Variants in STK10 observed in about 807,000 individuals in gnomAD.
STK10 encodes serine/threonine-protein kinase 10.
Under a neutral mutation model 113.8 loss-of-function variants are expected in STK10, and 78 were observed. The observed-to-expected ratio is 0.69, with a 90% CI of 0.57 to 0.83. The LOEUF (loss-of-function observed/expected upper bound fraction) is 0.83, where lower values mean the gene tolerates loss of function less well. STK10 is among the 40% of genes least tolerant of loss of function. The probability of loss-of-function intolerance (pLI) is 0.00; values close to 1 mark genes in which losing one functional copy is unlikely to be tolerated. For missense variants in STK10, 1,109 were observed against 1,280.1 expected, an observed-to-expected ratio of 0.87 and a Z score of 2.04; for synonymous variants, 465 against 494.7, an observed-to-expected ratio of 0.94 and a Z score of 0.80.
intron 12 of STK10, among the ~76,000 whole-genome samples, chr5:172,068,517 G>A (rs530329839): frequency 4.0e-4 from 61 of 152,236 alleles, no homozygotes; most frequent in Admixed American, 3.5e-3. Context: ...TGTATCTTCA[G>A]TAAAAAAGAA....
At position 172,064,829 on chromosome 5, in the gene STK10, A is replaced by G. The variant is rs376894266; in HGVS notation, c.1990-17T>C. The G allele has an allele frequency of 2.5e-5, 41 of 1,613,664 alleles. No individual in the cohort carries two copies. The highest frequency in any genetic ancestry group is 1.6e-4 in the Middle Eastern group (1 of 6,084). On this transcript the variant is annotated splice_polypyrimidine_tract_variant and intron_variant, in intron 12 of 18. Coordinates refer to ENST00000176763, the MANE Select transcript of STK10 (RefSeq NM_005990.4). ...GTTCTTCACCTGCAGCAGAGACAGC[A>G]GAGAGTAGCTGGGTCAGGGTCCTCT...
At chr5:172,176,248 T>C (rs546533478) in intron 1 of STK10, among the ~76,000 whole-genome samples, 28 of 152,280 alleles carry the variant, frequency 1.8e-4, no homozygotes, top group Middle Eastern at 6.8e-3. Flanking sequence ...CTGCAGGAAT[T>C]CCTCCAGGTT....
chr5:172,175,703 T>C (rs1453366402), intron 1 of STK10, among the ~76,000 whole-genome samples: 1 of 151,862 alleles, frequency 6.6e-6, no homozygotes, highest in Non-Finnish European at 1.5e-5. Flanking sequence ...AGGCCAAGAG[T>C]AGACACCGCA....
chr5:172,182,482 C>T (rs970450842), intron 1 of STK10, among the ~76,000 whole-genome samples: 3 of 150,958 alleles, frequency 2.0e-5, no homozygotes, highest in African/African-American at 7.3e-5. Context: ...CTCCCAGGCT[C>T]AAGCTATCCT....
intron 1 of STK10, among the ~76,000 whole-genome samples, chr5:172,173,825 C>T (rs2087341084): frequency 6.6e-6 from 1 of 152,196 alleles, no homozygotes; most frequent in African/African-American, 2.4e-5. Flanking sequence ...ACAGTAACAG[C>T]CACATTTACA....
chr5:172,102,103 T>C (rs949891484), intron 7 of STK10, among the ~76,000 whole-genome samples: 5 of 152,002 alleles, frequency 3.3e-5, no homozygotes, highest in African/African-American at 1.2e-4. Flanking sequence ...TCACTCTGGC[T>C]GCTGTGCTCA....
intron 12 of STK10, among the ~76,000 whole-genome samples, chr5:172,071,282 G>T (rs1244274709): frequency 4.1e-5 from 2 of 48,654 alleles, no homozygotes; most frequent in South Asian, 8.4e-4. Context: ...ACAATGAAAA[G>T]TTTAAAAAAA....
intron 1 of STK10, among the ~76,000 whole-genome samples, chr5:172,185,124 G>A (rs1308284035): frequency 6.6e-6 from 1 of 152,058 alleles, no homozygotes; most frequent in Non-Finnish European, 1.5e-5. Context: ...AATGACAAGG[G>A]GAAATCTTAC....
chr5:172,098,115 G>A (rs777008954), intron 7 of STK10, among the ~76,000 whole-genome samples: 1 of 152,216 alleles, frequency 6.6e-6, no homozygotes, highest in South Asian at 2.1e-4. Flanking sequence ...CGGGGAGGAA[G>A]TGTCAACAAG....
Position 172,042,817 on chromosome 5 carries a change from C to T in STK10, c.*2065G>A, listed in dbSNP as rs1232458638. 1 of 152,256 alleles carries T rather than the reference C, an allele frequency of 6.6e-6. No individual in the cohort carries two copies. Among genetic ancestry groups the T allele is most frequent in the African/African-American group, 2.4e-5 (1 of 41,478 alleles). 9.4% of individuals were successfully genotyped at this position (152,256 alleles called of 1,614,324 possible). ...ACTAACCTGAGAACCATTGCTAGCT[C>T]CAAGAGAATCTTGACTGTGCATTTA... On this transcript the variant is annotated 3_prime_UTR_variant, in exon 19 of 19. Transcript: ENST00000176763.
intron 4 of STK10, among the ~76,000 whole-genome samples, chr5:172,110,919 A>AC (rs1287464241): frequency 4.0e-5 from 6 of 151,422 alleles, no homozygotes; most frequent in Non-Finnish European, 8.8e-5. Context: ...CTGAACTAAG[A>AC]CCCCCCGGCA....
At chr5:172,055,975 T>C (rs1689575975) in intron 15 of STK10, among the ~76,000 whole-genome samples, 199 bp from the exon 16 acceptor site, 2 of 152,364 alleles carry the variant, frequency 1.3e-5, no homozygotes, top group South Asian at 4.1e-4. Flanking sequence ...TTGTTAATAA[T>C]ATCTTGGATT....
At chr5:172,182,614 C>A (rs113424879) in intron 1 of STK10, among the ~76,000 whole-genome samples, 1 of 147,108 alleles carries the variant, frequency 6.8e-6, no homozygotes, top group East Asian at 2.0e-4. Flanking sequence ...TTTGCAATGG[C>A]ACAATCTCAG....
At chr5:172,171,113 CA>C (rs1357760053) in intron 1 of STK10, among the ~76,000 whole-genome samples, 1 of 152,180 alleles carries the variant, frequency 6.6e-6, no homozygotes, top group Non-Finnish European at 1.5e-5. Flanking sequence ...TTTATTCCAT[CA>C]ACAGTCCTTG....
In STK10 at chr5:172,089,619, T is replaced by G. The variant is rs905975958; in HGVS notation, c.1685+613A>C. On this transcript the variant is annotated intron_variant, in intron 10 of 18. Transcript: ENST00000176763. ...ATGGACGGATGGGTGATTGGGTGGA[T>G]GGATAGATAAACAGATGGATAATTC... Among the ~76,000 whole-genome samples the G allele has an allele frequency of 2.0e-5, 3 of 152,018 alleles. No homozygotes were observed. The East Asian group carries it at 5.8e-4, about 29-fold the overall frequency.
intron 13 of STK10, chr5:172,064,337 T>G: frequency 1.8e-5 from 4 of 227,006 alleles, no homozygotes; most frequent in South Asian, 1.5e-4. Context: ...CAGGACCAGG[T>G]CTGGGACATC....
intron 12 of STK10, among the ~76,000 whole-genome samples, chr5:172,078,765 T>C (rs2113725777): frequency 7.1e-6 from 1 of 140,026 alleles, no homozygotes; most frequent in East Asian, 2.1e-4. Flanking sequence ...AGGTGCCAGA[T>C]CCCACGCTCT....
intron 18 of STK10, among the ~76,000 whole-genome samples, chr5:172,046,356 CAA>C (rs34426237): frequency 2.4e-5 from 3 of 123,672 alleles, no homozygotes; most frequent in Admixed American, 8.3e-5. Context: ...GACTCTGTCT[CAA>C]AAAAAAAAAA....
chr5:172,127,374 C>A lies in STK10; in HGVS notation c.369G>T (p.Leu123=), dbSNP rs768244513. The change falls in exon 3 of 19, where the codon CTG becomes CTT. Residue 123 remains leucine (L), a splice_region_variant and synonymous_variant. Coordinates refer to ENST00000176763, the MANE Select transcript of STK10 (RefSeq NM_005990.4). ...TGCACCGAATCAAGTAAGACTCACC[C>A]AGCATGATGGCGTCCACGGCTCCCC... ...CPGGAVDAIM[L]ELDRGLTEPQ... 1 of 1,613,790 alleles carries A rather than the reference C, an allele frequency of 6.2e-7. No homozygotes were observed. Among genetic ancestry groups the A allele is most frequent in the Non-Finnish European group, 8.5e-7 (1 of 1,179,866 alleles).
Sources: gnomAD v4.1 joint callset for allele counts (sites outside exome capture counted in the v4.1 genomes callset) on GRCh38, gnomAD v4.1.1 for gene constraint, MANE v1.5 for transcripts, NCBI Gene and HGNC (gene_info 2026-07-23, HGNC 2026-07-21) for gene names.